The following PHC2 variants were observed in gnomAD, a reference collection of about 807,000 sequenced individuals.
PHC2 encodes polyhomeotic-like protein 2.
A neutral mutation model predicts 87.4 loss-of-function variants in PHC2; 29 were observed. The observed-to-expected ratio is 0.33, with a 90% CI of 0.25 to 0.45. The LOEUF (loss-of-function observed/expected upper bound fraction) is 0.45. Among genes scored for constraint, PHC2 ranks in the 20% least tolerant of loss-of-function variants. PHC2 has a pLI of 1.00. For missense variants in PHC2, 857 were observed against 1,136.7 expected (o/e 0.75, Z 3.54); for synonymous variants, 438 against 461.7 (o/e 0.95, Z 0.66).
At chr1:33,335,993 GTTGT>G (rs910545013) in intron 9 of PHC2, among the ~76,000 whole-genome samples, 1 of 113,190 alleles carries the variant, frequency 8.8e-6, no homozygotes, top group Non-Finnish European at 1.8e-5. Context: ...TGTTGTTGTT[GTTGT>G]TTTTTTTTTT....
At chr1:33,340,364 C>G (rs1485777290) in intron 9 of PHC2, among the ~76,000 whole-genome samples, 2 of 152,214 alleles carry the variant, frequency 1.3e-5, no homozygotes, top group African/African-American at 4.8e-5. Context: ...TTCAGCAGGC[C>G]CAGCCATGTG....
chr1:33,343,546 T>C (rs555979717), intron 9 of PHC2, among the ~76,000 whole-genome samples: 2 of 152,152 alleles, frequency 1.3e-5, no homozygotes, highest in South Asian at 4.1e-4. Context: ...CTAGGCCTCT[T>C]TCCTCATCTA....
At chr1:33,346,685 C>T (rs979415803) in intron 9 of PHC2, 21 of 985,202 alleles carry the variant, frequency 2.1e-5, no homozygotes, top group Non-Finnish European at 2.4e-5. Flanking sequence ...GCTTGCTGAT[C>T]CATGCTGGAT....
Position 33,330,089 on chromosome 1 carries a change from G to C in PHC2, c.2130C>G (p.Thr710=), listed in dbSNP as rs1646457841. ...CTCTTACCTGCTTCTTGGTATCCTT[G>C]GTAAGTGGTGGCAGACTGGCTTTGC... ...RASKASLPPL[T]KDTKKQPTGT... Residue 710 remains threonine, a synonymous_variant, in exon 13 of 15, where the codon ACC becomes ACG. Coordinates refer to ENST00000683057, the MANE Select transcript of PHC2 (RefSeq NM_001385109.1). 6.2e-7 allele frequency: 1 copy of C among 1,613,926 alleles called. No homozygotes were observed. Among genetic ancestry groups the C allele is most frequent in the Non-Finnish European group, 8.5e-7 (1 of 1,180,012 alleles).
Position 33,396,491 on chromosome 1 carries a change from A to T in PHC2, c.-54-20898T>A, listed in dbSNP as rs189399798. On this transcript the variant is annotated intron_variant, in intron 1 of 14. Transcript: ENST00000683057. Reference sequence around the variant, plus strand: ...GCATCTCAGAATGAATTTCATTACCATTGCCTTGGATATCATATTGATTAC... The same window carrying T: ...GCATCTCAGAATGAATTTCATTACCTTTGCCTTGGATATCATATTGATTAC... 3.3e-3 allele frequency among the ~76,000 whole-genome samples: 497 copies of T among 152,256 alleles called. 1 individual carries two copies. Among genetic ancestry groups the T allele is most frequent in the African/African-American group, 0.012 (479 of 41,528 alleles).
At chr1:33,415,008 A>G (rs1650145195) in intron 1 of PHC2, among the ~76,000 whole-genome samples, 1 of 152,248 alleles carries the variant, frequency 6.6e-6, no homozygotes, top group Non-Finnish European at 1.5e-5. Flanking sequence ...CAGGCAACAC[A>G]GGCCTGTGAT....
intron 3 of PHC2, among the ~76,000 whole-genome samples, chr1:33,371,662 T>C (rs1477635759): frequency 2.0e-5 from 3 of 152,262 alleles, no homozygotes; most frequent in Non-Finnish European, 2.9e-5. Context: ...AGACAGGCTT[T>C]TCCTGACCAT....
At chr1:33,384,768 T>C (rs1648658748) in intron 1 of PHC2, among the ~76,000 whole-genome samples, 1 of 152,242 alleles carries the variant, frequency 6.6e-6, no homozygotes, top group Admixed American at 6.5e-5. Context: ...TTCTGAACTT[T>C]AATAGCATAG....
chr1:33,430,756 G>C (rs1296362827), intron 1 of PHC2, among the ~76,000 whole-genome samples: 1 of 150,672 alleles, frequency 6.6e-6, no homozygotes, highest in African/African-American at 2.4e-5. Context: ...CTCCCAGCGC[G>C]GGCCCCACGC....
chr1:33,379,828 G>T (rs1254629877), intron 1 of PHC2, among the ~76,000 whole-genome samples: 1 of 141,596 alleles, frequency 7.1e-6, no homozygotes, highest in Non-Finnish European at 1.5e-5. Context: ...CGACCTTCTT[G>T]CTGCCTCCTG....
intron 2 of PHC2, among the ~76,000 whole-genome samples, chr1:33,374,913 G>A (rs1221573421): frequency 6.6e-6 from 1 of 152,212 alleles, no homozygotes. Flanking sequence ...GCATTTAGGA[G>A]CAGTGAGCCG....
chr1:33,336,636 C>T (rs909530568), intron 9 of PHC2: 2 of 152,214 alleles, frequency 1.3e-5, no homozygotes, highest in Admixed American at 6.5e-5. Flanking sequence ...AACTTGAGAG[C>T]TTGTCTGGAG....
At chr1:33,387,846 A>T (rs2148356481) in intron 1 of PHC2, among the ~76,000 whole-genome samples, 1 of 152,358 alleles carries the variant, frequency 6.6e-6, no homozygotes, top group East Asian at 1.9e-4. Flanking sequence ...ATCTCACAAG[A>T]GTCATCTCCC....
intron 1 of PHC2, among the ~76,000 whole-genome samples, chr1:33,402,712 AT>A (rs1257676961): frequency 6.6e-6 from 1 of 152,256 alleles, no homozygotes; most frequent in Admixed American, 6.5e-5. Flanking sequence ...ATACAGTATA[AT>A]TCCATTTATA....
At chr1:33,345,555 A>G (rs745783266) in intron 9 of PHC2, 10 of 985,312 alleles carry the variant, frequency 1.0e-5, no homozygotes, top group East Asian at 1.1e-4. Flanking sequence ...TGGTCTTACA[A>G]TGAATCTCAG....
At chr1:33,345,187 A>C (rs1055817305) in intron 9 of PHC2, 2 of 152,182 alleles carry the variant, frequency 1.3e-5, no homozygotes, top group Non-Finnish European at 2.9e-5. Context: ...ACTGGAGAAG[A>C]GTTGGTTATG....
chr1:33,359,219 GAC>G (rs1647150206), intron 7 of PHC2: 1 of 152,078 alleles, frequency 6.6e-6, no homozygotes. Context: ...ATGAATGAAT[GAC>G]AGACAACATG....
At chr1:33,414,969 G>A (rs1011699534) in intron 1 of PHC2, among the ~76,000 whole-genome samples, 3 of 152,162 alleles carry the variant, frequency 2.0e-5, no homozygotes, top group Non-Finnish European at 4.4e-5. Flanking sequence ...ACTAAATATA[G>A]AAAGAAATGG....
intron 1 of PHC2, among the ~76,000 whole-genome samples, chr1:33,381,474 T>C (rs1205817308): frequency 6.6e-6 from 1 of 152,178 alleles, no homozygotes; most frequent in Non-Finnish European, 1.5e-5. Context: ...TGATTATTTA[T>C]TGAGCACTTA....
Sources: gnomAD v4.1 joint callset for allele counts (sites outside exome capture counted in the v4.1 genomes callset) on GRCh38, gnomAD v4.1.1 for gene constraint, MANE v1.5 for transcripts, NCBI Gene and HGNC (gene_info 2026-07-23, HGNC 2026-07-21) for gene names.